MIR2052HG: variants seen among roughly 807,000 people sequenced by gnomAD.
The protein encoded by MIR2052HG is MIR2052 host gene.
chr8:74,698,185 G>C (rs553645831), intron 2 of MIR2052HG, among the ~76,000 whole-genome samples: 1 of 152,214 alleles, frequency 6.6e-6, no homozygotes, highest in African/African-American at 2.4e-5. Context: ...ACAGAATAGA[G>C]AACCAGAAAT....
At chr8:74,679,385 GTC>G (rs2128738879) in intron 2 of MIR2052HG, among the ~76,000 whole-genome samples, 2 of 152,008 alleles carry the variant, frequency 1.3e-5, no homozygotes, top group South Asian at 4.2e-4. Context: ...TACAGTAATG[GTC>G]TCCAACTCCA....
intron 5 of MIR2052HG, among the ~76,000 whole-genome samples, chr8:74,756,443 G>A (rs1371476380): frequency 2.0e-5 from 3 of 152,322 alleles, no homozygotes; most frequent in South Asian, 2.1e-4. Context: ...ACTCTGTCCC[G>A]TGAATCTGGA....
chr8:74,617,424 A>C (rs186633131), intron 2 of MIR2052HG, among the ~76,000 whole-genome samples: 2 of 150,700 alleles, frequency 1.3e-5, no homozygotes, highest in East Asian at 3.9e-4. Flanking sequence ...ACATTATTTC[A>C]TTATTTTTTA....
chr8:74,733,445 T>G (rs1200695451), intron 4 of MIR2052HG, among the ~76,000 whole-genome samples: 1 of 151,878 alleles, frequency 6.6e-6, no homozygotes, highest in Non-Finnish European at 1.5e-5. Flanking sequence ...TATTCCATGG[T>G]GTATATGTGC....
At chr8:74,607,237 A>C (rs1237886378) in intron 1 of MIR2052HG, among the ~76,000 whole-genome samples, 3 of 152,228 alleles carry the variant, frequency 2.0e-5, no homozygotes, top group Admixed American at 6.5e-5. Flanking sequence ...TAAGATAATT[A>C]ATTCACAATA....
chr8:74,752,552 TTC>T (rs1234822502), intron 5 of MIR2052HG: 1 of 454,024 alleles, frequency 2.2e-6, no homozygotes, highest in Non-Finnish European at 4.4e-6. Context: ...GAAAGATATT[TTC>T]TCTCTGACTT....
At chr8:74,666,768 C>T (rs1347682383) in intron 2 of MIR2052HG, among the ~76,000 whole-genome samples, 1 of 152,226 alleles carries the variant, frequency 6.6e-6, no homozygotes, top group Non-Finnish European at 1.5e-5. Context: ...GAAAGTGCCT[C>T]TTAATCCATA....
At chr8:74,652,343 T>C (rs1202432638) in intron 2 of MIR2052HG, among the ~76,000 whole-genome samples, 1 of 152,154 alleles carries the variant, frequency 6.6e-6, no homozygotes, top group Non-Finnish European at 1.5e-5. Context: ...CCAGTGATAC[T>C]CTCTTTTTCT....
At chr8:74,652,512 G>T (rs759736280) in intron 2 of MIR2052HG, among the ~76,000 whole-genome samples, 1 of 152,080 alleles carries the variant, frequency 6.6e-6, no homozygotes, top group African/African-American at 2.4e-5. Flanking sequence ...AGATTTTGGG[G>T]TTGTTTTTAG....
At chr8:74,714,825 C>A (rs186455248) in intron 4 of MIR2052HG, among the ~76,000 whole-genome samples, 14 of 151,726 alleles carry the variant, frequency 9.2e-5, no homozygotes, top group African/African-American at 3.4e-4. Flanking sequence ...CTGCCTCAGC[C>A]TCCTGAGTAG....
intron 2 of MIR2052HG, among the ~76,000 whole-genome samples, chr8:74,646,993 A>G (rs1278991481): frequency 1.3e-5 from 2 of 152,132 alleles, no homozygotes; most frequent in Non-Finnish European, 2.9e-5. Context: ...ATAAATCAAT[A>G]GTGGTGGACC....
At chr8:74,689,514 TTA>T (rs796319039) in intron 2 of MIR2052HG, among the ~76,000 whole-genome samples, 17 of 152,312 alleles carry the variant, frequency 1.1e-4, no homozygotes, top group African/African-American at 3.8e-4. Context: ...CTCAAAACAA[TTA>T]GTTTGCTGAA....
intron 4 of MIR2052HG, among the ~76,000 whole-genome samples, chr8:74,712,728 C>A (rs1490270297): frequency 6.7e-6 from 1 of 149,554 alleles, no homozygotes; most frequent in Admixed American, 6.7e-5. Flanking sequence ...AATCTATTCA[C>A]CTTGATCATT....
At chr8:74,624,426 C>A (rs565221636) in intron 2 of MIR2052HG, among the ~76,000 whole-genome samples, 4 of 152,168 alleles carry the variant, frequency 2.6e-5, no homozygotes, top group African/African-American at 7.2e-5. Flanking sequence ...TTTTGTGGAA[C>A]CTGTCTGTTA....
intron 2 of MIR2052HG, among the ~76,000 whole-genome samples, chr8:74,686,814 T>G (rs1809186422): frequency 6.6e-6 from 1 of 152,130 alleles, no homozygotes; most frequent in Non-Finnish European, 1.5e-5. Context: ...ACCATTTATG[T>G]CAATTAAACA....
chr8:74,691,590 G>A (rs1219450424), intron 2 of MIR2052HG, among the ~76,000 whole-genome samples: 1 of 152,146 alleles, frequency 6.6e-6, no homozygotes, highest in East Asian at 1.9e-4. Context: ...AAACTTAGAT[G>A]AGCCCAATAT....
At chr8:74,630,240 A>G (rs769935655) in intron 2 of MIR2052HG, among the ~76,000 whole-genome samples, 22 of 152,206 alleles carry the variant, frequency 1.4e-4, no homozygotes, top group Non-Finnish European at 2.2e-4. Context: ...CTCCTTACCC[A>G]TTGTTTCCAA....
chr8:74,647,679 T>G (rs1268635108), intron 2 of MIR2052HG, among the ~76,000 whole-genome samples: 1 of 152,208 alleles, frequency 6.6e-6, no homozygotes, highest in Non-Finnish European at 1.5e-5. Context: ...TCTTATTTGT[T>G]GCGGGAAGTC....
chr8:74,730,938 G>A (rs529589140), intron 4 of MIR2052HG, among the ~76,000 whole-genome samples: 175 of 152,286 alleles, frequency 1.1e-3, no homozygotes, highest in African/African-American at 4.1e-3. Flanking sequence ...GGAAAAGAAG[G>A]TCTGGTGTAC....
Sources: gnomAD v4.1 joint callset for allele counts (sites outside exome capture counted in the v4.1 genomes callset) on GRCh38, gnomAD v4.1.1 for gene constraint, MANE v1.5 for transcripts, NCBI Gene and HGNC (gene_info 2026-07-23, HGNC 2026-07-21) for gene names.